The following RSPO2 variants were observed in gnomAD, a reference collection of about 807,000 sequenced individuals.
RSPO2 encodes the protein R-spondin-2.
RSPO2 carries 14 observed loss-of-function variants against 30.9 expected under a neutral mutation model. The observed-to-expected ratio is 0.45, with a 90% CI of 0.30 to 0.71. The LOEUF (loss-of-function observed/expected upper bound fraction) is 0.71. RSPO2 is among the 30% of genes least tolerant of loss of function. The pLI, the probability that RSPO2 is intolerant of heterozygous loss-of-function variation, is 0.08. For missense variants in RSPO2, 264 were observed against 301.9 expected (o/e 0.87, Z 0.93); for synonymous variants, 107 against 96.4 (o/e 1.11, Z -0.64).
intron 3 of RSPO2, among the ~76,000 whole-genome samples, chr8:107,977,657 T>C (rs116744162): frequency 2.9e-3 from 444 of 152,070 alleles, no homozygotes; most frequent in African/African-American, 0.01. Context: ...TTGTGTGGGG[T>C]GGTCCTGTTT....
At chr8:108,006,535 A>G (rs1815456529) in intron 2 of RSPO2, among the ~76,000 whole-genome samples, 2 of 152,118 alleles carry the variant, frequency 1.3e-5, no homozygotes, top group African/African-American at 4.8e-5. Flanking sequence ...AGATATTAAA[A>G]TATAAGACAG....
At chr8:108,043,136 G>T (rs559885407) in intron 2 of RSPO2, among the ~76,000 whole-genome samples, 1 of 152,170 alleles carries the variant, frequency 6.6e-6, no homozygotes, top group Admixed American at 6.5e-5. Flanking sequence ...TGTGAGTGAG[G>T]AAGAGTGGAA....
intron 5 of RSPO2, among the ~76,000 whole-genome samples, chr8:107,944,466 G>A (rs1015981008): frequency 6.6e-6 from 1 of 152,148 alleles, no homozygotes; most frequent in African/African-American, 2.4e-5. Context: ...TAGGAGACAT[G>A]TTACTGAATT....
chr8:107,922,889 T>C (rs1210664866), intron 5 of RSPO2, among the ~76,000 whole-genome samples: 1 of 151,950 alleles, frequency 6.6e-6, no homozygotes, highest in African/African-American at 2.4e-5. Context: ...ATGCAGAAGA[T>C]TGGAACTGGA....
At chr8:108,079,656 A>G (rs1274440505) in intron 2 of RSPO2, among the ~76,000 whole-genome samples, 2 of 151,910 alleles carry the variant, frequency 1.3e-5, no homozygotes, top group Non-Finnish European at 2.9e-5. Context: ...AGTTCGGAGA[A>G]TGCTCCACAG....
intron 5 of RSPO2, among the ~76,000 whole-genome samples, chr8:107,949,317 G>A (rs1813168603): frequency 6.6e-6 from 1 of 152,156 alleles, no homozygotes; most frequent in African/African-American, 2.4e-5. Context: ...CACCCAGGTT[G>A]CTGCAAATGC....
intron 2 of RSPO2, among the ~76,000 whole-genome samples, chr8:107,990,954 G>C (rs1814823742): frequency 6.6e-6 from 1 of 152,156 alleles, no homozygotes; most frequent in Non-Finnish European, 1.5e-5. Context: ...TGAGGGGCTG[G>C]GTGCGGTGGC....
At chr8:107,971,214 A>G (rs1233880423) in intron 3 of RSPO2, among the ~76,000 whole-genome samples, 2 of 152,266 alleles carry the variant, frequency 1.3e-5, no homozygotes, top group Non-Finnish European at 2.9e-5. Context: ...ACTTACAAGA[A>G]CTACCAAATC....
chr8:108,075,717 T>C (rs1271075749), intron 2 of RSPO2, among the ~76,000 whole-genome samples: 2 of 152,016 alleles, frequency 1.3e-5, no homozygotes, highest in Non-Finnish European at 2.9e-5. Flanking sequence ...TAAAGAATTA[T>C]AAATAATGAG....
In RSPO2 at chr8:107,899,878, C is replaced by G. The variant is rs1313716241; in HGVS notation, c.*1197G>C. On this transcript the variant is annotated 3_prime_UTR_variant, in exon 6 of 6. Coordinates refer to ENST00000276659, the MANE Select transcript of RSPO2 (RefSeq NM_178565.5). ...AAACAGATTCTGGCTCAACAGAAAC[C>G]TGTTAAGATCTGACTGGCAGTCACA... is the stretch of plus-strand genomic sequence containing the variant. 1 of 152,184 alleles carries G rather than the reference C, an allele frequency of 6.6e-6. No individual in the cohort carries two copies. The highest frequency in any genetic ancestry group is 6.5e-5 in the Admixed American group (1 of 15,276). 9.4% of individuals were successfully genotyped at this position (152,184 alleles called of 1,614,324 possible). A position where few individuals can be genotyped will look rare whatever the true frequency, so the allele number is the denominator to read the frequency against.
intron 2 of RSPO2, among the ~76,000 whole-genome samples, chr8:108,031,776 A>G (rs1424711787): frequency 6.6e-6 from 1 of 152,158 alleles, no homozygotes; most frequent in Non-Finnish European, 1.5e-5. Flanking sequence ...AGATGCATCA[A>G]TCTGCAGAGG....
At chr8:107,930,111 T>C (rs1330395178) in intron 5 of RSPO2, among the ~76,000 whole-genome samples, 1 of 152,210 alleles carries the variant, frequency 6.6e-6, no homozygotes, top group Non-Finnish European at 1.5e-5. Context: ...TGCGCCCATG[T>C]ACAACATCAA....
chr8:108,011,070 T>G (rs1810688540), intron 2 of RSPO2, among the ~76,000 whole-genome samples: 2 of 141,866 alleles, frequency 1.4e-5, no homozygotes, highest in South Asian at 4.5e-4. Context: ...GAGGCAGAGG[T>G]TGCAGTAAAC....
At chr8:108,005,799 T>C (rs552447030) in intron 2 of RSPO2, among the ~76,000 whole-genome samples, 17 of 152,172 alleles carry the variant, frequency 1.1e-4, no homozygotes, top group South Asian at 6.2e-4. Context: ...ATACAGGAGT[T>C]TGCCTGATGG....
At chr8:107,962,308 A>G (rs1813652924) in intron 3 of RSPO2, among the ~76,000 whole-genome samples, 1 of 152,238 alleles carries the variant, frequency 6.6e-6, no homozygotes, top group Admixed American at 6.5e-5. Flanking sequence ...ATTAAAATAG[A>G]TCACATAAGA....
intron 5 of RSPO2, among the ~76,000 whole-genome samples, chr8:107,952,851 A>G (rs1813301375): frequency 1.3e-5 from 2 of 152,208 alleles, no homozygotes; most frequent in Non-Finnish European, 2.9e-5. Context: ...ATTTTTGCAG[A>G]GATCAAGGTT....
chr8:107,986,598 C>T (rs565116911), intron 3 of RSPO2, among the ~76,000 whole-genome samples: 1 of 152,316 alleles, frequency 6.6e-6, no homozygotes, highest in African/African-American at 2.4e-5. Context: ...TCCTGGTTTA[C>T]ATCCAATATC....
At chr8:108,081,727 G>A in intron 2 of RSPO2, 1 of 184,098 alleles carries the variant, frequency 5.4e-6, no homozygotes, top group Non-Finnish European at 1.0e-5. Context: ...CGCCTTCTCC[G>A]CTACGCACAA....
chr8:108,049,850 G>A (rs1175690099), intron 2 of RSPO2, among the ~76,000 whole-genome samples: 2 of 152,048 alleles, frequency 1.3e-5, no homozygotes, highest in Non-Finnish European at 1.5e-5. Flanking sequence ...TGTAAACAGT[G>A]CTGCAATAAA....
Sources: gnomAD v4.1 joint callset for allele counts (sites outside exome capture counted in the v4.1 genomes callset) on GRCh38, gnomAD v4.1.1 for gene constraint, MANE v1.5 for transcripts, NCBI Gene and HGNC (gene_info 2026-07-23, HGNC 2026-07-21) for gene names.